LARGE1: variants seen among roughly 807,000 people sequenced by gnomAD.
LARGE1 encodes the protein LARGE xylosyl- and glucuronyltransferase 1.
In LARGE1, 43 loss-of-function variants were observed where a neutral mutation model predicts 87.6. The observed-to-expected ratio is 0.49, with a 90% CI of 0.38 to 0.63. LARGE1 has a LOEUF of 0.63. Among genes scored for constraint, LARGE1 ranks in the 30% least tolerant of loss-of-function variants. The pLI, the probability that LARGE1 is intolerant of heterozygous loss-of-function variation, is 0.00. For synonymous variants in LARGE1, 434 were observed against 394.6 expected (o/e 1.10, Z -1.18); for missense variants, 802 against 1,000.2 (o/e 0.80, Z 2.67).
intron 9 of LARGE1, among the ~76,000 whole-genome samples, chr22:33,339,402 C>T (rs886350185): frequency 2.6e-5 from 4 of 151,896 alleles, no homozygotes; most frequent in African/African-American, 4.8e-5. Context: ...GTAGTGGCGT[C>T]GTGGGGTCAT....
chr22:33,350,008 A>G (rs974768362), intron 9 of LARGE1, among the ~76,000 whole-genome samples: 6 of 152,148 alleles, frequency 3.9e-5, no homozygotes, highest in African/African-American at 1.4e-4. Context: ...ATATCCTATC[A>G]TTGCTTATTC....
chr22:33,886,362 G>A (rs959500992), intron 1 of LARGE1, among the ~76,000 whole-genome samples: 5 of 152,158 alleles, frequency 3.3e-5, no homozygotes, highest in South Asian at 2.1e-4. Context: ...GGCTTAAACT[G>A]TTTTTATTCC....
intron 10 of LARGE1, among the ~76,000 whole-genome samples, chr22:33,326,369 T>C (rs562776516): frequency 7.2e-5 from 11 of 152,312 alleles, no homozygotes; most frequent in Non-Finnish European, 1.3e-4. Context: ...ATTATTCCTA[T>C]GGTCTAGGAG....
At chr22:33,715,256 GTTT>G (rs1422296420) in intron 2 of LARGE1, among the ~76,000 whole-genome samples, 1 of 152,160 alleles carries the variant, frequency 6.6e-6, no homozygotes. Context: ...CACCACAGGC[GTTT>G]CTCATGTCTT....
intron 1 of LARGE1, among the ~76,000 whole-genome samples, chr22:33,898,808 T>C (rs1374595844): frequency 6.6e-6 from 1 of 152,228 alleles, no homozygotes; most frequent in Non-Finnish European, 1.5e-5. Context: ...CAACCCATTA[T>C]GCAATTCTCC....
intron 10 of LARGE1, among the ~76,000 whole-genome samples, chr22:33,329,332 T>G (rs1360600757): frequency 6.6e-6 from 1 of 152,126 alleles, no homozygotes; most frequent in East Asian, 1.9e-4. Flanking sequence ...TTTTGTAGTT[T>G]GTGGATGTTT....
chr22:33,225,184 C>T (rs1189654905), intron 11 of LARGE1, among the ~76,000 whole-genome samples: 1 of 152,124 alleles, frequency 6.6e-6, no homozygotes, highest in Non-Finnish European at 1.5e-5. Context: ...CAGCCGTGGG[C>T]ATGATAGAGA....
At chr22:33,494,845 G>T (rs994050316) in intron 6 of LARGE1, among the ~76,000 whole-genome samples, 2 of 152,172 alleles carry the variant, frequency 1.3e-5, no homozygotes, top group Non-Finnish European at 2.9e-5. Flanking sequence ...AGTGAAGAAA[G>T]ATAATCGGCT....
the LARGE1 span, among the ~76,000 whole-genome samples, chr22:33,148,014 T>A: frequency 6.6e-6 from 1 of 152,226 alleles, no homozygotes; most frequent in African/African-American, 2.4e-5. Context: ...TCTGTCCTCA[T>A]GCATAAATTA....
At chr22:33,229,766 T>C (rs549183564) in intron 11 of LARGE1, among the ~76,000 whole-genome samples, 3 of 151,912 alleles carry the variant, frequency 2.0e-5, no homozygotes, top group East Asian at 1.9e-4. Flanking sequence ...TTTTTCTGAG[T>C]GGAAAAAAGA....
Position 33,911,062 on chromosome 22 carries a change from G to A in LARGE1, c.-83+8933C>T, listed in dbSNP as rs187475624. On this transcript the variant is annotated intron_variant, in intron 1 of 14. Coordinates refer to ENST00000397394, the MANE Select transcript of LARGE1 (RefSeq NM_133642.5). The stretch of plus-strand genomic sequence containing the variant: ...AGCACATCCCCCTCCCAGGGTTGCT[G>A]TGAGAATGAAATAACAAAAATGACC... Among the ~76,000 whole-genome samples, 301 of 152,340 alleles carry A rather than the reference G, an allele frequency of 2.0e-3. 3 individuals are homozygous for A. Among genetic ancestry groups the A allele is most frequent in the Non-Finnish European group, 9.8e-4 (67 of 68,042 alleles).
intron 1 of LARGE1, among the ~76,000 whole-genome samples, chr22:33,785,766 G>C (rs982075859): frequency 3.9e-5 from 6 of 152,144 alleles, no homozygotes; most frequent in African/African-American, 1.2e-4. Flanking sequence ...TGAACGGAAA[G>C]GGTCACCTGG....
At chr22:33,729,995 T>C (rs1042403811) in intron 2 of LARGE1, among the ~76,000 whole-genome samples, 8 of 151,994 alleles carry the variant, frequency 5.3e-5, no homozygotes, top group Non-Finnish European at 8.8e-5. Flanking sequence ...CGTGTGTGTG[T>C]GCGTGCATGC....
At chr22:33,290,279 G>A (rs538149834) in intron 12 of LARGE1, among the ~76,000 whole-genome samples, 4 of 152,232 alleles carry the variant, frequency 2.6e-5, no homozygotes, top group South Asian at 2.1e-4. Flanking sequence ...AAAGTGTCTC[G>A]GAAGACATAA....
intron 2 of LARGE1, among the ~76,000 whole-genome samples, chr22:33,695,573 A>G (rs2082218192): frequency 6.6e-6 from 1 of 152,186 alleles, no homozygotes; most frequent in South Asian, 2.1e-4. Context: ...CCCTCTTACC[A>G]TATTTGCTTC....
At chr22:33,437,055 A>G (rs2067296991) in intron 6 of LARGE1, among the ~76,000 whole-genome samples, 1 of 152,172 alleles carries the variant, frequency 6.6e-6, no homozygotes, top group Non-Finnish European at 1.5e-5. Context: ...TCACTCCACA[A>G]TATTTCTGCA....
intron 1 of LARGE1, among the ~76,000 whole-genome samples, chr22:33,764,217 A>T (rs1013456847): frequency 2.0e-5 from 3 of 152,002 alleles, no homozygotes; most frequent in Admixed American, 2.0e-4. Context: ...ACAGATTCCA[A>T]CAAACAAGTA....
intron 11 of LARGE1, among the ~76,000 whole-genome samples, chr22:33,232,501 TA>T (rs1452207822): frequency 6.6e-6 from 1 of 152,190 alleles, no homozygotes; most frequent in East Asian, 1.9e-4. Flanking sequence ...ATGACCAAGA[TA>T]AAACTACCTC....
chr22:33,433,619 A>C (rs541219849), intron 6 of LARGE1, among the ~76,000 whole-genome samples: 1 of 151,324 alleles, frequency 6.6e-6, no homozygotes, highest in African/African-American at 2.4e-5. Flanking sequence ...AAAAAAAAAA[A>C]AAAAAAAAAA....
Sources: allele counts gnomAD v4.1 joint callset (sites outside exome capture counted in the v4.1 genomes callset), GRCh38; gene constraint gnomAD v4.1.1; transcripts MANE v1.5; gene names NCBI Gene and HGNC (gene_info 2026-07-23, HGNC 2026-07-21).